The following SPDL1 variants were observed in gnomAD, a reference collection of about 807,000 sequenced individuals.
The protein encoded by SPDL1 is protein Spindly.
SPDL1 carries 85 observed loss-of-function variants against 79.5 expected under a neutral mutation model. That is an observed-to-expected ratio of 1.07 (90% confidence interval 0.90 to 1.28). The LOEUF is 1.28. Ranked by LOEUF, SPDL1 falls within the 50% of genes most tolerant of loss-of-function variation. SPDL1 has a pLI of 0.00. For missense variants in SPDL1, 703 were observed against 697.8 expected (o/e 1.01, Z -0.08); for synonymous variants, 269 against 240.3 (o/e 1.12, Z -1.10).
At chr5:169,586,753 C>T (rs1755003166) in intron 1 of SPDL1, among the ~76,000 whole-genome samples, 1 of 152,180 alleles carries the variant, frequency 6.6e-6, no homozygotes, top group South Asian at 2.1e-4. Flanking sequence ...GGCCATTTCT[C>T]ACAGCCTCCT....
Position 169,604,041 on chromosome 5 carries a change from GATGCTTTA to G in SPDL1, c.1671-14_1671-7del. On this transcript the variant is annotated splice_polypyrimidine_tract_variant and intron_variant, in intron 11 of 11. Transcript: ENST00000265295. ...CATAACCACATTTGAATTCAGAGTG[GATGCTTTA>G]ATGCCTGTAGGTTAGCTGCTGAATC... The G allele has an allele frequency of 6.3e-7, 1 of 1,595,428 alleles. No homozygotes were observed. The highest frequency in any genetic ancestry group is 8.5e-7 in the Non-Finnish European group (1 of 1,172,922).
At chr5:169,603,105 TTGTGTG>T (rs5873185) in intron 11 of SPDL1, among the ~76,000 whole-genome samples, 4 of 150,766 alleles carry the variant, frequency 2.7e-5, no homozygotes, top group African/African-American at 7.3e-5. Flanking sequence ...CACAAAACAT[TTGTGTG>T]TGTGTGTGTG....
At chr5:169,587,441 T>G (rs1289100641) in intron 1 of SPDL1, 1 of 152,188 alleles carries the variant, frequency 6.6e-6, no homozygotes, top group Non-Finnish European at 1.5e-5. Context: ...TTGATTAAAG[T>G]GGAATGTTTC....
In SPDL1 at chr5:169,594,170, A is replaced by C. The variant is rs1231039999; in HGVS notation, c.557A>C (p.Glu186Ala). Residue 186 changes from glutamate (E) to alanine (A), a missense_variant, in exon 5 of 12, where the codon GAA (glutamate) becomes GCA (alanine). Physicochemically the swap from Glu to Ala is moderately radical, Grantham distance 107. Coordinates refer to ENST00000265295, the MANE Select transcript of SPDL1 (RefSeq NM_017785.5). The stretch of plus-strand genomic sequence containing the variant: ...ACCACCCTCAAAGAAGAAGTGAATG[A>C]ACTACAATACAGACAAGAACAGCTA... Reference protein sequence around the residue: ...MKTTLKEEVNELQYRQEQLEL... With the variant: ...MKTTLKEEVNALQYRQEQLEL... The C allele has an allele frequency of 1.2e-6, 2 of 1,609,120 alleles. No homozygotes were observed. The highest frequency in any genetic ancestry group is 1.7e-6 in the Non-Finnish European group (2 of 1,178,696).
Position 169,594,848 on chromosome 5 carries a change from A to G in SPDL1, c.891+167A>G, listed in dbSNP as rs1025840300. 9.2e-5 allele frequency among the ~76,000 whole-genome samples: 14 copies of G among 152,338 alleles called. No homozygotes were observed. The South Asian group carries it at 1.0e-3, about 11-fold the overall frequency. On this transcript the variant is annotated intron_variant, in intron 7 of 11. Coordinates refer to ENST00000265295, the MANE Select transcript of SPDL1 (RefSeq NM_017785.5). ...AATTTTGAAATTAAAAGATTCATTT[A>G]TAGTTTAAAAATCTTGGAATAAATA...
intron 4 of SPDL1, 106 bp from the exon 5 acceptor site, chr5:169,594,039 C>G (rs963771300): frequency 1.1e-6 from 1 of 909,404 alleles, no homozygotes; most frequent in African/African-American, 1.7e-5. Flanking sequence ...TTGACTGGTT[C>G]TTTAGTTTTA....
In SPDL1 at chr5:169,588,397, G is replaced by A. The variant is rs770059510; in HGVS notation, c.-20G>A. On this transcript the variant is annotated 5_prime_UTR_variant, in exon 2 of 12. Coordinates refer to ENST00000265295, the MANE Select transcript of SPDL1 (RefSeq NM_017785.5). Reference sequence around the variant, plus strand: ...GTTTTATTTCCTCTATTTACAGTTGGCTAAAAAAAAGAAAAGAACATGGAG... The same window carrying A: ...GTTTTATTTCCTCTATTTACAGTTGACTAAAAAAAAGAAAAGAACATGGAG... 1 of 1,585,786 alleles carries A rather than the reference G, an allele frequency of 6.3e-7. No homozygotes were observed. Among genetic ancestry groups the A allele is most frequent in the South Asian group, 1.2e-5 (1 of 85,740 alleles).
At chr5:169,599,362 A>G (rs1233779882) in intron 10 of SPDL1, among the ~76,000 whole-genome samples, 1 of 152,200 alleles carries the variant, frequency 6.6e-6, no homozygotes, top group Non-Finnish European at 1.5e-5. Context: ...TGAATATAAC[A>G]TGTATCCTTT....
intron 11 of SPDL1, among the ~76,000 whole-genome samples, chr5:169,603,779 G>A (rs569242943): frequency 2.1e-4 from 32 of 152,182 alleles, no homozygotes; most frequent in African/African-American, 7.5e-4. Context: ...GCTTGAACCC[G>A]GGAGGCGGAG....
In SPDL1 at chr5:169,604,216, C is replaced by CTT. The variant is rs370224476; in HGVS notation, c.*11_*12dup. ...AGTGCCCTCAACAGTAAAGACTTGT[C>CTT]TTTAATAAGAGTACGGTGCCACTTG... is the stretch of plus-strand genomic sequence containing the variant. On this transcript the variant is annotated 3_prime_UTR_variant, in exon 12 of 12. Transcript: ENST00000265295. The CTT allele has an allele frequency of 3.2e-5, 49 of 1,553,382 alleles. No homozygotes were observed. The Middle Eastern group carries it at 7.1e-4, about 22-fold the overall frequency.
chr5:169,588,032 TG>T (rs1349092400), intron 1 of SPDL1, among the ~76,000 whole-genome samples: 1 of 152,218 alleles, frequency 6.6e-6, no homozygotes. Context: ...ATTACTTTTT[TG>T]TTATTCCCTT....
Position 169,594,437 on chromosome 5 carries a change from A to G in SPDL1, c.725A>G (p.Gln242Arg), listed in dbSNP as rs779588858. Residue 242 changes from glutamine to arginine, a missense_variant, in exon 6 of 12, where the codon CAG becomes CGG. Gln to Arg is a conservative substitution (Grantham distance 43, BLOSUM62 1). Coordinates refer to ENST00000265295, the MANE Select transcript of SPDL1 (RefSeq NM_017785.5). Reference protein sequence around the residue: ...ANQDLQVQLDQALQQALDPNS... With the variant: ...ANQDLQVQLDRALQQALDPNS... ...CAAGATCTTCAGGTACAGTTGGACC[A>G]GGCACTCCAGCAAGCCTTGGATCCC... The G allele has an allele frequency of 2.4e-5, 39 of 1,614,152 alleles. No individual in the cohort carries two copies. In the South Asian group the frequency reaches 4.1e-4, roughly 17 times the overall value.
intron 9 of SPDL1, 21 bp from the exon 10 acceptor site, chr5:169,598,951 T>C: frequency 6.6e-7 from 1 of 1,516,574 alleles, no homozygotes; most frequent in East Asian, 2.3e-5. Context: ...ACTCGTTGGT[T>C]CTCCTTTTTT....
chr5:169,591,973 T>G (rs529475617), intron 3 of SPDL1, among the ~76,000 whole-genome samples: 27 of 152,340 alleles, frequency 1.8e-4, no homozygotes, highest in African/African-American at 6.3e-4. Context: ...CAGAACTTTT[T>G]ATCATGGATC....
Position 169,591,127 on chromosome 5 carries a change from G to T in SPDL1, c.239G>T (p.Cys80Phe), listed in dbSNP as rs1755259397. ...ATGTTAGAAAGTTTGAGCTGCGAATGTGAAGCTATTAAACAACAACAAAAA... is the reference window on the plus strand; with the variant it reads ...ATGTTAGAAAGTTTGAGCTGCGAATTTGAAGCTATTAAACAACAACAAAAA... ...SRMLESLSCE[C>F]EAIKQQQKMH... is the part of the protein sequence containing the mutation. The change falls in exon 3 of 12, where the codon TGT becomes TTT. Residue 80 changes from cysteine (C) to phenylalanine (F), a missense_variant. Cys to Phe is a radical substitution (Grantham distance 205, BLOSUM62 -2). Transcript: ENST00000265295. The T allele has an allele frequency of 6.2e-7, 1 of 1,614,028 alleles. No homozygotes were observed. Among genetic ancestry groups the T allele is most frequent in the South Asian group, 1.1e-5 (1 of 91,078 alleles).
chr5:169,594,157 G>A lies in SPDL1; in HGVS notation c.544G>A (p.Glu182Lys). 6.2e-7 allele frequency: 1 copy of A among 1,603,560 alleles called. No individual in the cohort carries two copies. The highest frequency in any genetic ancestry group is 8.5e-7 in the Non-Finnish European group (1 of 1,177,244). ...TCCTGTTAAATAGACCACCCTCAAA[G>A]AAGAAGTGAATGAACTACAATACAG... is the stretch of plus-strand genomic sequence containing the variant. ...EMESMKTTLK[E>K]EVNELQYRQE... Residue 182 changes from glutamate (E) to lysine (K), a missense_variant, in exon 5 of 12, where the codon GAA (glutamate) becomes AAA (lysine). Coordinates refer to ENST00000265295, the MANE Select transcript of SPDL1 (RefSeq NM_017785.5).
At chr5:169,588,753 C>A in intron 2 of SPDL1, 178 bp downstream of exon 2, 1 of 484,708 alleles carries the variant, frequency 2.1e-6, no homozygotes. Context: ...ATTCTTTCCA[C>A]CCTAGTGTAT....
chr5:169,587,257 C>T (rs769028570), intron 1 of SPDL1: 10 of 152,150 alleles, frequency 6.6e-5, no homozygotes, highest in Non-Finnish European at 1.5e-4. Flanking sequence ...TCTGAACTGC[C>T]CAGAATGGAA....
intron 11 of SPDL1, among the ~76,000 whole-genome samples, chr5:169,602,721 T>C (rs750917603): frequency 1.1e-4 from 17 of 152,330 alleles, no homozygotes; most frequent in Non-Finnish European, 2.2e-4. Flanking sequence ...ATTTTATTAC[T>C]CCCTCCTTGG....
Sources: allele counts gnomAD v4.1 joint callset (sites outside exome capture counted in the v4.1 genomes callset), GRCh38; gene constraint gnomAD v4.1.1; transcripts MANE v1.5; gene names NCBI Gene and HGNC (gene_info 2026-07-23, HGNC 2026-07-21).